UBE2E3: variants seen among roughly 807,000 people sequenced by gnomAD.
UBE2E3 encodes ubiquitin-conjugating enzyme E2 E3.
In UBE2E3, 5 loss-of-function variants were observed where a neutral mutation model predicts 23.6. The ratio of observed to expected loss-of-function variants is 0.21; its 90% CI spans 0.11 to 0.44. The LOEUF (loss-of-function observed/expected upper bound fraction) is 0.44, where lower values mean the gene tolerates loss of function less well. Ranked by LOEUF, UBE2E3 falls within the 20% of genes least tolerant of loss-of-function variation. UBE2E3 has a pLI of 0.99. For synonymous variants in UBE2E3, 78 were observed against 87.5 expected (o/e 0.89, Z 0.60); for missense variants, 81 against 249.8 (o/e 0.32, Z 4.55).
intron 3 of UBE2E3, among the ~76,000 whole-genome samples, chr2:180,988,250 C>T (rs928187425): frequency 1.3e-5 from 2 of 152,110 alleles, no homozygotes; most frequent in Middle Eastern, 3.2e-3. Context: ...CTGGCATTTT[C>T]TCTAGTGCAT....
At chr2:181,054,845 G>A (rs561696809) in intron 3 of UBE2E3, among the ~76,000 whole-genome samples, 1 of 151,868 alleles carries the variant, frequency 6.6e-6, no homozygotes, top group South Asian at 2.1e-4. Flanking sequence ...TCTTAGCTCT[G>A]GAGGACTGGT....
intron 3 of UBE2E3, among the ~76,000 whole-genome samples, chr2:181,019,780 T>C (rs1685614698): frequency 6.6e-6 from 1 of 152,248 alleles, no homozygotes; most frequent in Non-Finnish European, 1.5e-5. Flanking sequence ...ATAATCACCA[T>C]AAGCTAGTTA....
At chr2:181,011,328 C>T (rs567984721) in intron 3 of UBE2E3, among the ~76,000 whole-genome samples, 89 of 151,978 alleles carry the variant, frequency 5.9e-4, no homozygotes, top group South Asian at 8.3e-4. Flanking sequence ...GGGGAGAAAA[C>T]GGGGGTGATA....
intron 3 of UBE2E3, among the ~76,000 whole-genome samples, chr2:181,033,155 T>C (rs897495652): frequency 1.3e-5 from 2 of 152,190 alleles, no homozygotes; most frequent in Non-Finnish European, 2.9e-5. Flanking sequence ...CCAACGACTT[T>C]CTTCACAGAA....
At chr2:181,012,464 TAC>T (rs1469326621) in intron 3 of UBE2E3, among the ~76,000 whole-genome samples, 1 of 152,118 alleles carries the variant, frequency 6.6e-6, no homozygotes, top group Non-Finnish European at 1.5e-5. Flanking sequence ...TAGGTGGGTG[TAC>T]ACACACACAT....
intron 3 of UBE2E3, among the ~76,000 whole-genome samples, chr2:181,027,793 C>T (rs1389470246): frequency 2.6e-5 from 4 of 151,818 alleles, no homozygotes; most frequent in African/African-American, 7.2e-5. Flanking sequence ...ATTGCCATAA[C>T]TCTACTTTCC....
At chr2:180,993,136 G>A (rs1051991685) in intron 3 of UBE2E3, among the ~76,000 whole-genome samples, 1 of 152,154 alleles carries the variant, frequency 6.6e-6, no homozygotes, top group Non-Finnish European at 1.5e-5. Flanking sequence ...AATAACAAAA[G>A]CTTGTTTATC....
chr2:181,052,668 GC>G (rs1471917689), intron 3 of UBE2E3, among the ~76,000 whole-genome samples: 1 of 151,692 alleles, frequency 6.6e-6, no homozygotes, highest in Non-Finnish European at 1.5e-5. Flanking sequence ...TTATTGTCTA[GC>G]AATAGCCCAG....
At chr2:181,030,578 GAAA>G (rs938563975) in intron 3 of UBE2E3, among the ~76,000 whole-genome samples, 1 of 151,752 alleles carries the variant, frequency 6.6e-6, no homozygotes, top group African/African-American at 2.4e-5. Flanking sequence ...TGGCCTCAGA[GAAA>G]AAAAATTATT....
intron 3 of UBE2E3, chr2:180,987,467 T>C: frequency 6.8e-7 from 1 of 1,472,336 alleles, no homozygotes; most frequent in Non-Finnish European, 9.3e-7. Context: ...ACGAATATTT[T>C]AAGAGTGTAT....
intron 3 of UBE2E3, among the ~76,000 whole-genome samples, chr2:181,040,085 A>G (rs771961070): frequency 3.3e-5 from 5 of 152,200 alleles, no homozygotes; most frequent in Non-Finnish European, 7.3e-5. Context: ...TCTGTAGCTA[A>G]TAATTATTTT....
chr2:181,046,749 T>C (rs1686684093), intron 3 of UBE2E3, among the ~76,000 whole-genome samples: 2 of 152,106 alleles, frequency 1.3e-5, no homozygotes, highest in Admixed American at 1.3e-4. Context: ...GTCAGAGTTC[T>C]CCAGTTTGGG....
intron 3 of UBE2E3, among the ~76,000 whole-genome samples, chr2:181,026,912 ATGAT>A (rs1685908736): frequency 6.6e-6 from 1 of 151,988 alleles, no homozygotes; most frequent in Non-Finnish European, 1.5e-5. Flanking sequence ...TTATAAATAT[ATGAT>A]TGATAACCAG....
In UBE2E3 at chr2:180,980,645, C is replaced by CGGG. The variant is rs1448715686; in HGVS notation, c.-352_-351insGGG. 10 of 149,084 alleles carry CGGG rather than the reference C, an allele frequency of 6.7e-5. No homozygotes were observed. The highest frequency in any genetic ancestry group is 1.3e-4 in the Admixed American group (2 of 15,044). 9.2% of individuals were successfully genotyped at this position (149,084 alleles called of 1,614,324 possible). On this transcript the variant is annotated 5_prime_UTR_variant, in exon 1 of 6. Transcript: ENST00000410062. The surrounding 1 kb of genome is among the most constrained non-coding windows in gnomAD (Gnocchi z 5.5). ...CGCGGCCGGGAGGAGCCGAGCCGGGCGGCGGCGGCGGGAGGCTACAGCGCG... is the reference window on the plus strand; with the variant it reads ...CGCGGCCGGGAGGAGCCGAGCCGGGCGGGGGCGGCGGCGGGAGGCTACAGCGCG...
chr2:181,025,570 C>T (rs1685858265), intron 3 of UBE2E3, among the ~76,000 whole-genome samples: 1 of 151,684 alleles, frequency 6.6e-6, no homozygotes, highest in African/African-American at 2.4e-5. Flanking sequence ...TGTAAAATAC[C>T]ACATATTAAT....
intron 3 of UBE2E3, chr2:180,990,114 T>C: frequency 3.2e-6 from 3 of 948,796 alleles, no homozygotes; most frequent in Non-Finnish European, 4.5e-6. Context: ...CTTTTAACCT[T>C]TCTTTTGCCT....
chr2:181,059,898 C>T (rs1382047828), intron 4 of UBE2E3, among the ~76,000 whole-genome samples: 1 of 151,434 alleles, frequency 6.6e-6, no homozygotes, highest in Non-Finnish European at 1.5e-5. Flanking sequence ...TTCAAATGAT[C>T]AGAAATTTTT....
chr2:181,022,247 T>C (rs998874662), intron 3 of UBE2E3, among the ~76,000 whole-genome samples: 1 of 152,138 alleles, frequency 6.6e-6, no homozygotes, highest in African/African-American at 2.4e-5. Flanking sequence ...GGTTAGACTC[T>C]TGAAAATAAG....
intron 3 of UBE2E3, chr2:180,987,209 T>C: frequency 9.9e-7 from 1 of 1,008,682 alleles, no homozygotes; most frequent in Non-Finnish European, 1.4e-6. Flanking sequence ...GTATAAATAA[T>C]TTATACATCA....
Sources: allele counts gnomAD v4.1 joint callset (sites outside exome capture counted in the v4.1 genomes callset), GRCh38; gene constraint gnomAD v4.1.1; non-coding constraint Gnocchi (gnomAD v3.1); transcripts MANE v1.5; gene names NCBI Gene and HGNC (gene_info 2026-07-23, HGNC 2026-07-21).